Variants in CPQ observed in about 807,000 individuals in gnomAD.
CPQ encodes the protein Ser-Met dipeptidase.
Under a neutral mutation model 45.7 loss-of-function variants are expected in CPQ, and 37 were observed. That is an observed-to-expected ratio of 0.81 (90% confidence interval 0.62 to 1.07). The LOEUF (loss-of-function observed/expected upper bound fraction) is 1.07, where lower values mean the gene tolerates loss of function less well. Ranked by LOEUF, CPQ falls within the 50% of genes least tolerant of loss-of-function variation. The pLI is 0.00. For synonymous variants in CPQ, 186 were observed against 205.8 expected (o/e 0.90, Z 0.82); for missense variants, 537 against 572.9 (o/e 0.94, Z 0.64).
chr8:96,686,152 T>C (rs1809224284), intron 1 of CPQ, among the ~76,000 whole-genome samples: 2 of 152,122 alleles, frequency 1.3e-5, no homozygotes, highest in Non-Finnish European at 2.9e-5. Context: ...AGTTTCCAAA[T>C]AATGATATTT....
chr8:96,840,923 T>C (rs1811596967), intron 3 of CPQ, among the ~76,000 whole-genome samples: 1 of 152,236 alleles, frequency 6.6e-6, no homozygotes, highest in Non-Finnish European at 1.5e-5. Flanking sequence ...GATTTGGTGA[T>C]ATATCTTGTA....
chr8:96,670,076 T>C (rs1004459163), intron 1 of CPQ, among the ~76,000 whole-genome samples: 1 of 152,202 alleles, frequency 6.6e-6, no homozygotes, highest in Admixed American at 6.5e-5. Flanking sequence ...CGCACACACA[T>C]GTTTTCTCTG....
intron 5 of CPQ, among the ~76,000 whole-genome samples, chr8:97,000,397 A>G (rs1809256006): frequency 1.3e-5 from 2 of 152,212 alleles, no homozygotes; most frequent in South Asian, 2.1e-4. Context: ...TTTTTAATCC[A>G]TCTTGAGTTA....
intron 4 of CPQ, among the ~76,000 whole-genome samples, chr8:96,928,516 A>T (rs1216363094): frequency 6.6e-6 from 1 of 151,960 alleles, no homozygotes; most frequent in Non-Finnish European, 1.5e-5. Flanking sequence ...TGGGCGAAAC[A>T]TGTTTATCAG....
chr8:96,976,560 G>A (rs1236467186), intron 5 of CPQ, among the ~76,000 whole-genome samples: 1 of 151,986 alleles, frequency 6.6e-6, no homozygotes, highest in Non-Finnish European at 1.5e-5. Context: ...CAAGCAAAAA[G>A]AACAAATCTG....
chr8:97,113,615 G>C (rs866394143), intron 7 of CPQ, among the ~76,000 whole-genome samples: 3 of 152,156 alleles, frequency 2.0e-5, no homozygotes, highest in Non-Finnish European at 4.4e-5. Flanking sequence ...TGCATTCCCA[G>C]TTGAGGGTGG....
At chr8:96,977,799 A>C (rs985477081) in intron 5 of CPQ, among the ~76,000 whole-genome samples, 3 of 152,234 alleles carry the variant, frequency 2.0e-5, no homozygotes, top group African/African-American at 7.2e-5. Context: ...TAAGAATGAT[A>C]CATTGGACTT....
chr8:96,854,283 G>A (rs1259501811), intron 3 of CPQ, among the ~76,000 whole-genome samples: 1 of 151,864 alleles, frequency 6.6e-6, no homozygotes, highest in Non-Finnish European at 1.5e-5. Flanking sequence ...TGTAATCCCA[G>A]CACTTTGGGA....
At chr8:96,912,274 A>G (rs1171486761) in intron 4 of CPQ, among the ~76,000 whole-genome samples, 1 of 152,234 alleles carries the variant, frequency 6.6e-6, no homozygotes, top group African/African-American at 2.4e-5. Context: ...GTCTTATAAC[A>G]TTAGTAGGTT....
chr8:97,026,774 C>T (rs543956438), intron 5 of CPQ, among the ~76,000 whole-genome samples: 2 of 152,320 alleles, frequency 1.3e-5, no homozygotes, highest in African/African-American at 4.8e-5. Context: ...CACTTCAAAT[C>T]AATTACTTCT....
At chr8:96,890,011 C>A (rs1812352605) in intron 4 of CPQ, among the ~76,000 whole-genome samples, 1 of 152,168 alleles carries the variant, frequency 6.6e-6, no homozygotes, top group Admixed American at 6.5e-5. Context: ...GACAAGTTCA[C>A]CCCTTGTCAA....
At chr8:97,087,402 A>AC (rs1442421552) in intron 7 of CPQ, among the ~76,000 whole-genome samples, 2 of 147,774 alleles carry the variant, frequency 1.4e-5, no homozygotes, top group African/African-American at 5.3e-5. Context: ...CCAGGTGCCG[A>AC]CTTGGGGGGT....
intron 3 of CPQ, among the ~76,000 whole-genome samples, chr8:96,874,889 A>G (rs978450182): frequency 1.3e-5 from 2 of 151,936 alleles, no homozygotes; most frequent in Non-Finnish European, 2.9e-5. Flanking sequence ...TGATAAGTAC[A>G]TGTTTAACTT....
At chr8:96,740,846 G>A (rs1810076569) in intron 1 of CPQ, among the ~76,000 whole-genome samples, 2 of 152,152 alleles carry the variant, frequency 1.3e-5, no homozygotes, top group Admixed American at 1.3e-4. Flanking sequence ...TTTTTGAGGT[G>A]CTGCTGGATT....
intron 1 of CPQ, among the ~76,000 whole-genome samples, chr8:96,782,690 A>G (rs910885974): frequency 6.6e-5 from 10 of 152,016 alleles, no homozygotes; most frequent in East Asian, 3.9e-4. Context: ...TTTATGTTCT[A>G]TTTCCCCTTA....
At chr8:96,910,211 G>T (rs1028979161) in intron 4 of CPQ, among the ~76,000 whole-genome samples, 3 of 152,152 alleles carry the variant, frequency 2.0e-5, no homozygotes, top group African/African-American at 7.2e-5. Flanking sequence ...TAGATGAAGA[G>T]ATATTGGTCC....
At chr8:96,776,296 G>C (rs1036313040) in intron 1 of CPQ, among the ~76,000 whole-genome samples, 1 of 152,152 alleles carries the variant, frequency 6.6e-6, no homozygotes, top group Non-Finnish European at 1.5e-5. Context: ...TGGACTTTCT[G>C]TCTGTTACAC....
chr8:97,126,790 A>G (rs941848795), intron 7 of CPQ, among the ~76,000 whole-genome samples: 1 of 152,186 alleles, frequency 6.6e-6, no homozygotes, highest in Admixed American at 6.5e-5. Flanking sequence ...AAAAACTTTC[A>G]TCTACAATAA....
intron 1 of CPQ, among the ~76,000 whole-genome samples, chr8:96,692,201 G>A (rs1809313699): frequency 6.6e-6 from 1 of 152,168 alleles, no homozygotes; most frequent in Non-Finnish European, 1.5e-5. Context: ...GACACCAAGT[G>A]AGTGGTCTGA....
Sources: gnomAD v4.1 joint callset for allele counts (sites outside exome capture counted in the v4.1 genomes callset) on GRCh38, gnomAD v4.1.1 for gene constraint, MANE v1.5 for transcripts, NCBI Gene and HGNC (gene_info 2026-07-23, HGNC 2026-07-21) for gene names.